Variants in SNUPN observed in about 807,000 individuals in gnomAD.
SNUPN encodes the protein snurportin-1.
SNUPN carries 31 observed loss-of-function variants against 39.2 expected under a neutral mutation model. That is an observed-to-expected ratio of 0.79 (90% CI 0.59 to 1.07). SNUPN has a LOEUF of 1.07. Among genes scored for constraint, SNUPN ranks in the 50% least tolerant of loss-of-function variants. The probability of loss-of-function intolerance (pLI) is 0.00; values close to 1 mark genes in which losing one functional copy is unlikely to be tolerated. For synonymous variants in SNUPN, 132 were observed against 159.0 expected, an observed-to-expected ratio of 0.83 and a Z score of 1.28; for missense variants, 382 against 434.2, an observed-to-expected ratio of 0.88 and a Z score of 1.07.
intron 7 of SNUPN, among the ~76,000 whole-genome samples, chr15:75,602,601 C>T (rs1043105115): frequency 7.3e-5 from 11 of 151,414 alleles, no homozygotes; most frequent in African/African-American, 2.7e-4. Context: ...GGGGTGGGAT[C>T]CAGGTTTTTT....
intron 1 of SNUPN, chr15:75,624,779 GT>G (rs772102949): frequency 1.0e-3 from 1,188 of 1,151,310 alleles, no homozygotes; most frequent in Admixed American, 2.5e-3. Context: ...TGTTGTTGTT[GT>G]TTTTTTTTTG....
At chr15:75,624,451 G>A (rs1298959386) in intron 1 of SNUPN, among the ~76,000 whole-genome samples, 1 of 146,486 alleles carries the variant, frequency 6.8e-6, no homozygotes, top group Admixed American at 6.8e-5. Context: ...CTGAGGTTAG[G>A]AGATCGAGAC....
chr15:75,599,581 G>C (rs2075269256), intron 8 of SNUPN, among the ~76,000 whole-genome samples: 1 of 152,216 alleles, frequency 6.6e-6, no homozygotes, highest in Admixed American at 6.5e-5. Context: ...CATGTTCTGG[G>C]AAACAGTTTT....
At position 75,618,690 on chromosome 15, in the gene SNUPN, C is replaced by T. The variant is rs1211906261; in HGVS notation, c.159-1138G>A. Reference sequence around the variant, plus strand: ...TCTTAAACACATACATGTTCATGCTCATTATAAAAAGGCACACACCAGAGA... The same window carrying T: ...TCTTAAACACATACATGTTCATGCTTATTATAAAAAGGCACACACCAGAGA... On this transcript the variant is annotated intron_variant, in intron 2 of 8. Coordinates refer to ENST00000308588, the MANE Select transcript of SNUPN (RefSeq NM_005701.4). Among the ~76,000 whole-genome samples the T allele has an allele frequency of 3.3e-5, 5 of 152,226 alleles. 1 individual carries two copies. The South Asian group carries it at 1.0e-3, about 32-fold the overall frequency.
intron 7 of SNUPN, among the ~76,000 whole-genome samples, chr15:75,604,932 T>C (rs1045145355): frequency 6.6e-6 from 1 of 152,156 alleles, no homozygotes; most frequent in African/African-American, 2.4e-5. Context: ...CTTTATATCC[T>C]CATAGCTTAG....
chr15:75,616,768 T>A (rs1320229258), intron 3 of SNUPN, among the ~76,000 whole-genome samples: 1 of 152,226 alleles, frequency 6.6e-6, no homozygotes, highest in African/African-American at 2.4e-5. Context: ...CCTCTTTCCC[T>A]ATGGTACCAC....
chr15:75,610,512 G>A (rs1233127930), intron 3 of SNUPN, among the ~76,000 whole-genome samples: 1 of 151,942 alleles, frequency 6.6e-6, no homozygotes, highest in Non-Finnish European at 1.5e-5. Context: ...GATGATGGGG[G>A]CCACTGACTA....
In SNUPN at chr15:75,617,516, C is replaced by T. The variant is rs1892968068; in HGVS notation, c.195G>A (p.Leu65=). ...CCATCCCTGTCCAGTCATCTTCAGC[C>T]AGTCTTCTGGCATGGTTCACATAAT... is the stretch of plus-strand genomic sequence containing the variant. ...RLDYVNHARR[L]AEDDWTGMES... is the part of the protein sequence containing the mutation. Residue 65 remains leucine, a synonymous_variant, in exon 3 of 9, where the codon CTG becomes CTA. Transcript: ENST00000308588. 6.2e-7 allele frequency: 1 copy of T among 1,614,048 alleles called. No individual in the cohort carries two copies. Among genetic ancestry groups the T allele is most frequent in the Non-Finnish European group, 8.5e-7 (1 of 1,180,012 alleles).
intron 8 of SNUPN, 137 bp downstream of exon 8, chr15:75,601,001 C>A: frequency 2.8e-6 from 2 of 701,770 alleles, no homozygotes; most frequent in Admixed American, 4.0e-5. Flanking sequence ...GCAAGTACAT[C>A]CTTTCTCCAG....
chr15:75,622,567 A>G (rs1180735946), intron 1 of SNUPN: 7 of 867,068 alleles, frequency 8.1e-6, no homozygotes, highest in Non-Finnish European at 9.7e-6. Flanking sequence ...ATAAGAAAAC[A>G]GGAACATTTG....
At chr15:75,610,540 C>T (rs1892753327) in intron 3 of SNUPN, among the ~76,000 whole-genome samples, 1 of 152,108 alleles carries the variant, frequency 6.6e-6, no homozygotes, top group Non-Finnish European at 1.5e-5. Context: ...TGGCTTCTCT[C>T]CTCCATCTCC....
At chr15:75,625,253 C>G (rs1227788887) in intron 1 of SNUPN, 1 of 140,510 alleles carries the variant, frequency 7.1e-6, no homozygotes, top group African/African-American at 2.6e-5. Context: ...CCATCCCCTT[C>G]CCCCTCCTTC....
Position 75,620,812 on chromosome 15 carries a change from T to G in SNUPN, c.158+82A>C, listed in dbSNP as rs1251423798. On this transcript the variant is annotated intron_variant, in intron 2 of 8. Coordinates refer to ENST00000308588, the MANE Select transcript of SNUPN (RefSeq NM_005701.4). ...AAGAGTCTACTTTGAAGGGAGAGTCTGTAGAGACAAGCCTAGAGCCTTCGG... is the reference window on the plus strand; with the variant it reads ...AAGAGTCTACTTTGAAGGGAGAGTCGGTAGAGACAAGCCTAGAGCCTTCGG... 6.2e-5 allele frequency: 77 copies of G among 1,241,558 alleles called. 1 individual carries two copies. The Admixed American group carries it at 1.7e-3, about 27-fold the overall frequency. 76.9% of individuals were successfully genotyped at this position (1,241,558 alleles called of 1,614,324 possible). A position where few individuals can be genotyped will look rare whatever the true frequency, so the allele number is the denominator to read the frequency against.
intron 3 of SNUPN, 144 bp downstream of exon 3, chr15:75,617,264 G>T: frequency 1.2e-6 from 1 of 813,646 alleles, no homozygotes; most frequent in Non-Finnish European, 2.0e-6. Context: ...TATGATCTAC[G>T]TACACTGGCA....
intron 7 of SNUPN, among the ~76,000 whole-genome samples, chr15:75,602,448 C>T (rs2075295761): frequency 2.0e-5 from 3 of 150,820 alleles, no homozygotes; most frequent in Admixed American, 6.6e-5. Context: ...ATCGCTTGAA[C>T]CTGGGAGGCG....
Position 75,621,984 on chromosome 15 carries a change from C to T in SNUPN, c.-5-928G>A, listed in dbSNP as rs923548430. On this transcript the variant is annotated intron_variant, in intron 1 of 8. Coordinates refer to ENST00000308588, the MANE Select transcript of SNUPN (RefSeq NM_005701.4). ...CTGGGAGGCGGAGGTTGCAGTGAGCCGAGATCGTGCCACTGCACTCCAGCC... is the reference window on the plus strand; with the variant it reads ...CTGGGAGGCGGAGGTTGCAGTGAGCTGAGATCGTGCCACTGCACTCCAGCC... 2.6e-5 allele frequency among the ~76,000 whole-genome samples: 4 copies of T among 152,074 alleles called. No individual in the cohort carries two copies. In the East Asian group the frequency reaches 5.8e-4, roughly 22 times the overall value.
intron 7 of SNUPN, among the ~76,000 whole-genome samples, chr15:75,604,518 T>C (rs137865074): frequency 6.6e-6 from 1 of 152,318 alleles, no homozygotes; most frequent in African/African-American, 2.4e-5. Flanking sequence ...GCAGGGCTAA[T>C]AAAATGCCCT....
At chr15:75,608,835 C>T (rs539375183) in intron 5 of SNUPN, among the ~76,000 whole-genome samples, 1 of 152,202 alleles carries the variant, frequency 6.6e-6, no homozygotes, top group South Asian at 2.1e-4. Flanking sequence ...TGTCTACATG[C>T]AGTTTCAAAG....
In SNUPN at chr15:75,619,578, G is replaced by A. The variant is rs557760134; in HGVS notation, c.158+1316C>T. On this transcript the variant is annotated intron_variant, in intron 2 of 8. Transcript: ENST00000308588. ...GATCACCTGAGCCTGAGAGGTTGAG[G>A]CTGCAGTGAGCCGGGATCTGCACAC... Among the ~76,000 whole-genome samples the A allele has an allele frequency of 7.9e-5, 12 of 152,126 alleles. No homozygotes were observed. In the South Asian group the frequency reaches 2.5e-3, roughly 32 times the overall value.
Sources: allele counts gnomAD v4.1 joint callset (sites outside exome capture counted in the v4.1 genomes callset), GRCh38; gene constraint gnomAD v4.1.1; transcripts MANE v1.5; gene names NCBI Gene and HGNC (gene_info 2026-07-23, HGNC 2026-07-21).